The following BAZ2B variants were observed in gnomAD, a reference collection of about 807,000 sequenced individuals.
The protein encoded by BAZ2B is bromodomain adjacent to zinc finger domain 2B.
A neutral mutation model predicts 246.0 loss-of-function variants in BAZ2B; 91 were observed. The observed-to-expected ratio is 0.37, with a 90% CI of 0.31 to 0.44. The LOEUF (loss-of-function observed/expected upper bound fraction) is 0.44. Among genes scored for constraint, BAZ2B ranks in the 20% least tolerant of loss-of-function variants. The pLI is 1.00. For missense variants in BAZ2B, 2,332 were observed against 2,533.7 expected, an observed-to-expected ratio of 0.92 and a Z score of 1.71; for synonymous variants, 855 against 860.0, an observed-to-expected ratio of 0.99 and a Z score of 0.10.
chr2:159,436,338 C>T (rs990200584), intron 8 of BAZ2B, among the ~76,000 whole-genome samples: 2 of 152,126 alleles, frequency 1.3e-5, no homozygotes, highest in Admixed American at 6.5e-5. Flanking sequence ...TATATTTTAT[C>T]CCAATTACTC....
intron 3 of BAZ2B, among the ~76,000 whole-genome samples, chr2:159,467,973 C>G (rs988169374): frequency 6.6e-6 from 1 of 152,176 alleles, no homozygotes; most frequent in Non-Finnish European, 1.5e-5. Context: ...GCTAAGGCAG[C>G]ATCTCAAAAT....
rs1205551142 is a variant in BAZ2B, at chr2:159,332,692, A to G, written c.5797-6T>C. ...TTTCGACAGATTTGGCAGTACTATA[A>G]TACATGAAAAATCATTTAAAATTAA... On this transcript the variant is annotated splice_polypyrimidine_tract_variant and splice_region_variant and intron_variant, in intron 33 of 36. Transcript: ENST00000392783. 1 of 1,612,744 alleles carries G rather than the reference A, an allele frequency of 6.2e-7. No homozygotes were observed. The highest frequency in any genetic ancestry group is 8.5e-7 in the Non-Finnish European group (1 of 1,179,476).
chr2:159,634,309 G>A, the BAZ2B span, among the ~76,000 whole-genome samples: 4 of 152,024 alleles, frequency 2.6e-5, no homozygotes, highest in African/African-American at 9.7e-5. Flanking sequence ...ATAATCACAA[G>A]CCAATTTTTA....
chr2:159,449,346 C>T (rs35012014), intron 4 of BAZ2B, among the ~76,000 whole-genome samples: 55,478 of 151,928 alleles, frequency 0.37, 10,911 homozygotes, highest in Non-Finnish European at 0.46. Context: ...AGACCAATCT[C>T]CCAAAAGATA....
chr2:159,390,135 G>A (rs1467282409), intron 20 of BAZ2B, among the ~76,000 whole-genome samples: 2 of 151,898 alleles, frequency 1.3e-5, no homozygotes, highest in African/African-American at 2.4e-5. Flanking sequence ...ATTTATTTAG[G>A]GGAGAAATAA....
At chr2:159,588,750 T>C (rs1446517278) in intron 1 of BAZ2B, among the ~76,000 whole-genome samples, 1 of 152,228 alleles carries the variant, frequency 6.6e-6, no homozygotes, top group Admixed American at 6.5e-5. Context: ...TTGCTTAGCT[T>C]TGTGGCTCTT....
At chr2:159,570,811 C>A (rs573972703) in intron 1 of BAZ2B, among the ~76,000 whole-genome samples, 9 of 152,252 alleles carry the variant, frequency 5.9e-5, no homozygotes, top group African/African-American at 2.2e-4. Context: ...AGATGCTGTG[C>A]ATATCTTTAT....
chr2:159,396,032 T>C (rs1254673048), intron 19 of BAZ2B, 198 bp from the exon 20 acceptor site: 2 of 466,368 alleles, frequency 4.3e-6, no homozygotes, highest in African/African-American at 4.1e-5. Context: ...AGAAAGCAAA[T>C]ACAACAATCA....
chr2:159,708,315 T>C, the BAZ2B span, among the ~76,000 whole-genome samples: 7 of 152,108 alleles, frequency 4.6e-5, no homozygotes, highest in African/African-American at 1.4e-4. Flanking sequence ...ATGAATAAAA[T>C]GTATCTGCTT....
intron 8 of BAZ2B, among the ~76,000 whole-genome samples, chr2:159,437,038 G>C (rs1456164495): frequency 6.6e-6 from 1 of 152,034 alleles, no homozygotes; most frequent in African/African-American, 2.4e-5. Context: ...CTGTAAATGA[G>C]GATAATATTA....
chr2:159,555,839 A>C lies in BAZ2B; in HGVS notation c.-19T>G, dbSNP rs919932498. ...TGGTCTTACTGTGATCAATGTGGTCAATCTTGTGACATCACTGTTGGGAAA... is the reference window on the plus strand; with the variant it reads ...TGGTCTTACTGTGATCAATGTGGTCCATCTTGTGACATCACTGTTGGGAAA... On this transcript the variant is annotated 5_prime_UTR_variant, in exon 2 of 37. The change creates a new upstream start codon in the 5' untranslated region. Coordinates refer to ENST00000392783, the MANE Select transcript of BAZ2B (RefSeq NM_013450.4). 1.4e-5 allele frequency: 2 copies of C among 141,660 alleles called. No homozygotes were observed. Among genetic ancestry groups the C allele is most frequent in the African/African-American group, 5.7e-5 (2 of 34,976 alleles). 8.8% of individuals were successfully genotyped at this position (141,660 alleles called of 1,614,324 possible). A position where few individuals can be genotyped will look rare whatever the true frequency, so the allele number is the denominator to read the frequency against.
chr2:159,669,543 A>G, the BAZ2B span, among the ~76,000 whole-genome samples: 1 of 151,966 alleles, frequency 6.6e-6, no homozygotes, highest in Non-Finnish European at 1.5e-5. Flanking sequence ...TTCTACCATG[A>G]TCTCAATTTT....
At chr2:159,360,069 C>T (rs2059519256) in intron 27 of BAZ2B, among the ~76,000 whole-genome samples, 1 of 152,128 alleles carries the variant, frequency 6.6e-6, no homozygotes, top group Non-Finnish European at 1.5e-5. Context: ...CCTTTCTTAC[C>T]AATCCTATTC....
chr2:159,349,476 C>A (rs532662088), intron 28 of BAZ2B, among the ~76,000 whole-genome samples, 196 bp from the exon 29 acceptor site: 12 of 152,102 alleles, frequency 7.9e-5, no homozygotes, highest in East Asian at 5.8e-4. Context: ...ATTTTCCTTT[C>A]GGATATACCG....
chr2:159,325,620 T>C (rs1575611468), intron 35 of BAZ2B, 33 bp downstream of exon 35: 1 of 1,557,594 alleles, frequency 6.4e-7, no homozygotes, highest in Non-Finnish European at 8.6e-7. Context: ...TGGGGCATTA[T>C]AAATATACAG....
chr2:159,709,608 T>C, the BAZ2B span, among the ~76,000 whole-genome samples: 1 of 152,186 alleles, frequency 6.6e-6, no homozygotes, highest in South Asian at 2.1e-4. Flanking sequence ...AATTATATGA[T>C]TTGCAAAAAG....
chr2:159,353,921 A>T (rs1440189666), intron 27 of BAZ2B, among the ~76,000 whole-genome samples: 1 of 152,214 alleles, frequency 6.6e-6, no homozygotes, highest in Non-Finnish European at 1.5e-5. Flanking sequence ...GGTCAAGAAT[A>T]CAGGAACTTA....
chr2:159,465,388 G>A (rs953881728), intron 3 of BAZ2B, among the ~76,000 whole-genome samples: 2 of 152,116 alleles, frequency 1.3e-5, no homozygotes, highest in African/African-American at 4.8e-5. Flanking sequence ...TAAGGGGTTA[G>A]GATTTTAACC....
intron 3 of BAZ2B, chr2:159,461,724 G>A (rs550247375): frequency 6.5e-6 from 1 of 152,744 alleles, no homozygotes; most frequent in South Asian, 2.1e-4. Context: ...TACTAAGATG[G>A]GAAGGAGACA....
Sources: gnomAD v4.1 joint callset for allele counts (sites outside exome capture counted in the v4.1 genomes callset) on GRCh38, gnomAD v4.1.1 for gene constraint, MANE v1.5 for transcripts, NCBI Gene and HGNC (gene_info 2026-07-23, HGNC 2026-07-21) for gene names.